The following RCSD1 variants were observed in gnomAD, a reference collection of about 807,000 sequenced individuals.
The protein encoded by RCSD1 is capZ-interacting protein.
A neutral mutation model predicts 42.5 loss-of-function variants in RCSD1; 26 were observed. The ratio of observed to expected loss-of-function variants is 0.61; its 90% confidence interval spans 0.45 to 0.85. RCSD1 has a LOEUF of 0.85. Ranked by LOEUF, RCSD1 falls within the 40% of genes least tolerant of loss-of-function variation. The probability of loss-of-function intolerance (pLI) is 0.00; values close to 1 mark genes in which losing one functional copy is unlikely to be tolerated. For synonymous variants in RCSD1, 220 were observed against 212.2 expected, an observed-to-expected ratio of 1.04 and a Z score of -0.32; for missense variants, 571 against 528.3, an observed-to-expected ratio of 1.08 and a Z score of -0.79.
At chr1:167,667,942 C>T (rs1658699365) in intron 1 of RCSD1, among the ~76,000 whole-genome samples, 1 of 152,120 alleles carries the variant, frequency 6.6e-6, no homozygotes, top group Admixed American at 6.5e-5. Flanking sequence ...AACACATGGT[C>T]TGTGTGCTCA....
intron 1 of RCSD1, among the ~76,000 whole-genome samples, chr1:167,648,016 A>G (rs1658208940): frequency 6.6e-6 from 1 of 152,048 alleles, no homozygotes; most frequent in African/African-American, 2.4e-5. Flanking sequence ...TAATATAACT[A>G]CTTCGAATTT....
chr1:167,650,880 G>T (rs754943539), intron 1 of RCSD1, among the ~76,000 whole-genome samples: 1 of 152,166 alleles, frequency 6.6e-6, no homozygotes, highest in Non-Finnish European at 1.5e-5. Flanking sequence ...TTATTAGTTC[G>T]GTAGCGCTGC....
At chr1:167,632,209 G>A (rs79351474) in intron 1 of RCSD1, among the ~76,000 whole-genome samples, 6,269 of 152,330 alleles carry the variant, frequency 0.041, 427 homozygotes, top group African/African-American at 0.14. Flanking sequence ...GTCTCCTTAA[G>A]AAATTGTTTT....
intron 1 of RCSD1, among the ~76,000 whole-genome samples, chr1:167,681,853 C>A (rs896199782): frequency 6.6e-6 from 1 of 152,194 alleles, no homozygotes; most frequent in African/African-American, 2.4e-5. Flanking sequence ...TTGTTCCATT[C>A]TCTGACTTCC....
chr1:167,639,037 A>G (rs1003772894), intron 1 of RCSD1, among the ~76,000 whole-genome samples: 8 of 152,078 alleles, frequency 5.3e-5, no homozygotes, highest in African/African-American at 1.7e-4. Context: ...CTAACACGAT[A>G]AAACCCCATC....
intron 1 of RCSD1, among the ~76,000 whole-genome samples, chr1:167,679,859 G>A (rs112903922): frequency 6.6e-6 from 1 of 152,184 alleles, no homozygotes; most frequent in African/African-American, 2.4e-5. Flanking sequence ...TGTACATAAA[G>A]GTCTCATTAT....
At position 167,694,087 on chromosome 1, in the gene RCSD1, T is replaced by G; in HGVS notation, c.271-12T>G. On this transcript the variant is annotated splice_polypyrimidine_tract_variant and intron_variant, in intron 4 of 6. Coordinates refer to ENST00000367854, the MANE Select transcript of RCSD1 (RefSeq NM_052862.4). The stretch of plus-strand genomic sequence containing the variant: ...CTAGTCCTATTTGAAATTGTTCATC[T>G]TTTCTTGACAGGCCAATTTAACCTT... 2 of 1,613,906 alleles carry G rather than the reference T, an allele frequency of 1.2e-6. No homozygotes were observed. The highest frequency in any genetic ancestry group is 1.1e-5 in the South Asian group (1 of 91,080).
intron 1 of RCSD1, among the ~76,000 whole-genome samples, chr1:167,649,169 G>C (rs1298040211): frequency 6.6e-6 from 1 of 152,182 alleles, no homozygotes; most frequent in African/African-American, 2.4e-5. Context: ...AATCCAGGAG[G>C]ACAAAGAGGG....
intron 1 of RCSD1, among the ~76,000 whole-genome samples, chr1:167,666,066 C>T (rs1658649270): frequency 6.6e-6 from 1 of 152,244 alleles, no homozygotes; most frequent in Non-Finnish European, 1.5e-5. Context: ...CCTGCCTCAG[C>T]CTCCCAAAGT....
At chr1:167,685,139 A>G (rs1416176801) in intron 2 of RCSD1, among the ~76,000 whole-genome samples, 1 of 152,186 alleles carries the variant, frequency 6.6e-6, no homozygotes, top group Non-Finnish European at 1.5e-5. Flanking sequence ...GTGAATCTCA[A>G]GTAAAAGTGG....
At chr1:167,644,433 C>T (rs528126607) in intron 1 of RCSD1, among the ~76,000 whole-genome samples, 13 of 152,036 alleles carry the variant, frequency 8.6e-5, no homozygotes, top group Non-Finnish European at 1.5e-4. Context: ...AAGCCAAGAT[C>T]GCACCATTGC....
In RCSD1 at chr1:167,683,878, TTTC is replaced by T. The variant is rs775360897; in HGVS notation, c.7-14_7-12del. On this transcript the variant is annotated intron_variant, in intron 1 of 6. Coordinates refer to ENST00000367854, the MANE Select transcript of RCSD1 (RefSeq NM_052862.4). ...CTGGTACCCATTTGCTGATTAACTG[TTTC>T]TTCTTCTCCATTTGCCAGGAAAGAC... 3.5e-5 allele frequency: 57 copies of T among 1,611,284 alleles called. No individual in the cohort carries two copies. Among genetic ancestry groups the T allele is most frequent in the Non-Finnish European group, 4.7e-5 (55 of 1,178,164 alleles).
chr1:167,697,017 C>CT, intron 5 of RCSD1, 82 bp from the exon 6 acceptor site: 1 of 1,308,456 alleles, frequency 7.6e-7, no homozygotes, highest in Non-Finnish European at 1.1e-6. Flanking sequence ...GTGCACCAGA[C>CT]TGACATTGAA....
chr1:167,637,555 G>A (rs1451885868), intron 1 of RCSD1, among the ~76,000 whole-genome samples: 1 of 152,138 alleles, frequency 6.6e-6, no homozygotes, highest in African/African-American at 2.4e-5. Context: ...ACACACAGGA[G>A]ACCTCAATCT....
At chr1:167,665,817 C>CTT (rs142368868) in intron 1 of RCSD1, among the ~76,000 whole-genome samples, 1 of 145,766 alleles carries the variant, frequency 6.9e-6, no homozygotes, top group Non-Finnish European at 1.5e-5. Context: ...TGATGAGCAC[C>CTT]TTTTTTTTTT....
intron 1 of RCSD1, chr1:167,664,624 G>A (rs35790932): frequency 0.041 from 6,269 of 152,320 alleles, 150 homozygotes; most frequent in Non-Finnish European, 0.061. Context: ...AGCATTTCTG[G>A]CTGGCTGTTA....
Position 167,704,978 on chromosome 1 carries a change from T to A in RCSD1, c.*282T>A, listed in dbSNP as rs1659723887. On this transcript the variant is annotated 3_prime_UTR_variant, in exon 7 of 7. Coordinates refer to ENST00000367854, the MANE Select transcript of RCSD1 (RefSeq NM_052862.4). ...CAAGAACTTACTTAAAACAATGTAC[T>A]GTGGTGATGAGTCCCAGGGGCACTG... The A allele has an allele frequency of 2.6e-6, 1 of 379,042 alleles. No homozygotes were observed. Among genetic ancestry groups the A allele is most frequent in the Admixed American group, 4.0e-5 (1 of 25,186 alleles). 23.5% of individuals were successfully genotyped at this position (379,042 alleles called of 1,614,324 possible). A position where few individuals can be genotyped will look rare whatever the true frequency, so the allele number is the denominator to read the frequency against.
intron 1 of RCSD1, among the ~76,000 whole-genome samples, chr1:167,633,488 A>G (rs1657755002): frequency 6.6e-6 from 1 of 152,236 alleles, no homozygotes; most frequent in African/African-American, 2.4e-5. Context: ...AATGAAAGTA[A>G]TAAGATAAAT....
chr1:167,701,050 T>G (rs1407978135), intron 6 of RCSD1, among the ~76,000 whole-genome samples: 1 of 152,098 alleles, frequency 6.6e-6, no homozygotes, highest in Non-Finnish European at 1.5e-5. Context: ...CTCTCAAGCC[T>G]TGCCACTTCC....
Sources: allele counts gnomAD v4.1 joint callset (sites outside exome capture counted in the v4.1 genomes callset), GRCh38; gene constraint gnomAD v4.1.1; transcripts MANE v1.5; gene names NCBI Gene and HGNC (gene_info 2026-07-23, HGNC 2026-07-21).